The following CDH4 variants were observed in gnomAD, a reference collection of about 807,000 sequenced individuals.
CDH4 encodes the protein cadherin-4.
Under a neutral mutation model 86.0 loss-of-function variants are expected in CDH4, and 33 were observed. That is an observed-to-expected ratio of 0.38 (90% CI 0.29 to 0.51). CDH4 has a LOEUF of 0.51. Among genes scored for constraint, CDH4 ranks in the 20% least tolerant of loss-of-function variants. CDH4 has a pLI of 0.86. For missense variants in CDH4, 1,114 were observed against 1,307.4 expected (o/e 0.85, Z 2.28); for synonymous variants, 555 against 549.4 (o/e 1.01, Z -0.14).
At chr20:61,370,891 A>G (rs2084836385) in intron 2 of CDH4, 1 of 152,232 alleles carries the variant, frequency 6.6e-6, no homozygotes, top group Admixed American at 6.5e-5. Flanking sequence ...CATTGTGAGG[A>G]GCGGAATGGT....
intron 6 of CDH4, among the ~76,000 whole-genome samples, chr20:61,868,815 C>T (rs1983667314): frequency 6.6e-6 from 1 of 152,216 alleles, no homozygotes; most frequent in Non-Finnish European, 1.5e-5. Context: ...ACCATGTATT[C>T]CAGAGGGGAG....
At position 61,418,926 on chromosome 20, in the gene CDH4, A is replaced by G. The variant is rs143302962; in HGVS notation, c.169+163989A>G. 7.4e-3 allele frequency among the ~76,000 whole-genome samples: 1,130 copies of G among 152,154 alleles called. 14 individuals carry two copies. The highest frequency in any genetic ancestry group is 0.015 in the Admixed American group (225 of 15,282). The stretch of plus-strand genomic sequence containing the variant: ...CTTGGCTTGTGGCCACATCACTCCA[A>G]TCTCTGCCTTGGCCCTCATACCACT... On this transcript the variant is annotated intron_variant, in intron 2 of 15. Transcript: ENST00000614565.
At chr20:61,600,300 C>T (rs915221719) in intron 2 of CDH4, among the ~76,000 whole-genome samples, 14 of 152,246 alleles carry the variant, frequency 9.2e-5, no homozygotes, top group Non-Finnish European at 1.6e-4. Context: ...CAGCTGTGAG[C>T]GTGCCGTATT....
At chr20:61,509,054 G>A (rs1044480556) in intron 2 of CDH4, among the ~76,000 whole-genome samples, 4 of 152,180 alleles carry the variant, frequency 2.6e-5, no homozygotes, top group African/African-American at 7.2e-5. Context: ...TGGAGGAGGT[G>A]TGGGGTTCAC....
chr20:61,439,468 G>T (rs1446051580), intron 2 of CDH4, among the ~76,000 whole-genome samples: 2 of 152,218 alleles, frequency 1.3e-5, no homozygotes, highest in African/African-American at 2.4e-5. Context: ...ATGCAAGATG[G>T]CACATGTATG....
intron 3 of CDH4, among the ~76,000 whole-genome samples, chr20:61,761,570 G>A (rs2088632808): frequency 6.6e-6 from 1 of 152,164 alleles, no homozygotes; most frequent in African/African-American, 2.4e-5. Context: ...GCACTATGAG[G>A]TGGTGCCATG....
chr20:61,480,363 A>G lies in CDH4; in HGVS notation c.169+225426A>G, dbSNP rs904647494. 2.6e-5 allele frequency among the ~76,000 whole-genome samples: 4 copies of G among 151,978 alleles called. No individual in the cohort carries two copies. Among genetic ancestry groups the G allele is most frequent in the Non-Finnish European group, 5.9e-5 (4 of 67,998 alleles). ...ACTGCCTCAGCACCATTGTCTGTCT[A>G]TTTTGTTTGGGTTTCCCGTTGTTCC... is the stretch of plus-strand genomic sequence containing the variant. On this transcript the variant is annotated intron_variant, in intron 2 of 15. Coordinates refer to ENST00000614565, the MANE Select transcript of CDH4 (RefSeq NM_001794.5). The surrounding 1 kb of genome is among the most constrained non-coding windows in gnomAD (Gnocchi z 5.2).
rs371636850 is a variant in CDH4 at position 61,808,885 on chromosome 20, G to A, written c.576+35703G>A. Among the ~76,000 whole-genome samples, 148 of 152,030 alleles carry A rather than the reference G, an allele frequency of 9.7e-4. 1 individual carries two copies. Among genetic ancestry groups the A allele is most frequent in the African/African-American group, 3.4e-3 (139 of 41,432 alleles). Reference sequence around the variant, plus strand: ...TTTTAAACTACAGACGTTGATTTTCGAGGACATCTTATGGAGTCATTGTTT... The same window carrying A: ...TTTTAAACTACAGACGTTGATTTTCAAGGACATCTTATGGAGTCATTGTTT... On this transcript the variant is annotated intron_variant, in intron 4 of 15. Transcript: ENST00000614565.
At chr20:61,826,963 G>GTGTGTATA (rs1491495326) in intron 4 of CDH4, among the ~76,000 whole-genome samples, 3 of 7,042 alleles carry the variant, frequency 4.3e-4, no homozygotes, top group African/African-American at 8.3e-4. Flanking sequence ...GAAGGGAAAA[G>GTGTGTATA]TGTGTGTGTG....
intron 2 of CDH4, among the ~76,000 whole-genome samples, chr20:61,691,079 C>T (rs2087647491): frequency 6.6e-6 from 1 of 152,144 alleles, no homozygotes; most frequent in African/African-American, 2.4e-5. Flanking sequence ...CCTCTCACAG[C>T]TCCCGGAAGT....
At chr20:61,563,215 T>TTAGCTCTGGAGTCCCCTTGCCGGCTCC (rs1406678414) in intron 2 of CDH4, among the ~76,000 whole-genome samples, 1 of 152,256 alleles carries the variant, frequency 6.6e-6, no homozygotes, top group Admixed American at 6.5e-5. Flanking sequence ...AGCTCTGCTC[T>TTAGCTCTGGAGTCCCCTTGCCGGCTCC]TAGCTCTGGA....
At chr20:61,512,633 A>G (rs1214860838) in intron 2 of CDH4, among the ~76,000 whole-genome samples, 1 of 152,232 alleles carries the variant, frequency 6.6e-6, no homozygotes, top group African/African-American at 2.4e-5. Flanking sequence ...AAATGTTCCA[A>G]CACCGGCACC....
rs1316640834 is a variant in CDH4, at chr20:61,811,073, G to GCGCCACATCCTCAGCAGCCC, written c.577-33588_577-33569dup. On this transcript the variant is annotated intron_variant, in intron 4 of 15. Coordinates refer to ENST00000614565, the MANE Select transcript of CDH4 (RefSeq NM_001794.5). The surrounding 1 kb of genome is among the most constrained non-coding windows in gnomAD (Gnocchi z 4.4). Reference sequence around the variant, plus strand: ...GCTGACTGCCGCATCCTCAGCAGCCGCGCCACATCCTCAGCAGCCCCGCCA... The same window carrying GCGCCACATCCTCAGCAGCCC: ...GCTGACTGCCGCATCCTCAGCAGCCGCGCCACATCCTCAGCAGCCCCGCCACATCCTCAGCAGCCCCGCCA... Among the ~76,000 whole-genome samples, 1 of 152,092 alleles carries GCGCCACATCCTCAGCAGCCC rather than the reference G, an allele frequency of 6.6e-6. No individual in the cohort carries two copies. The highest frequency in any genetic ancestry group is 1.5e-5 in the Non-Finnish European group (1 of 68,020).
intron 8 of CDH4, among the ~76,000 whole-genome samples, chr20:61,907,426 T>A (rs2054801910): frequency 6.6e-6 from 1 of 151,906 alleles, no homozygotes; most frequent in African/African-American, 2.4e-5. Flanking sequence ...AGGGCTGAGA[T>A]CAGGCAGGCA....
At chr20:61,727,779 A>T (rs2088133133) in intron 2 of CDH4, among the ~76,000 whole-genome samples, 1 of 152,168 alleles carries the variant, frequency 6.6e-6, no homozygotes, top group African/African-American at 2.4e-5. Flanking sequence ...TCCCTTGAGA[A>T]TGGCACTAGG....
At chr20:61,749,493 C>T (rs1292050310) in intron 3 of CDH4, among the ~76,000 whole-genome samples, 1 of 152,210 alleles carries the variant, frequency 6.6e-6, no homozygotes, top group Non-Finnish European at 1.5e-5. Context: ...AAGCAATTCT[C>T]AACATACTTC....
At chr20:61,327,921 A>G (rs904079370) in intron 2 of CDH4, among the ~76,000 whole-genome samples, 2 of 152,210 alleles carry the variant, frequency 1.3e-5, no homozygotes, top group African/African-American at 2.4e-5. Context: ...ATGAATGGCC[A>G]TGGAAATTTG....
At chr20:61,504,428 G>A (rs188194123) in intron 2 of CDH4, among the ~76,000 whole-genome samples, 2 of 152,316 alleles carry the variant, frequency 1.3e-5, no homozygotes, top group Admixed American at 1.3e-4. Flanking sequence ...ACCTTAGATA[G>A]AGGTGGGGTG....
chr20:61,735,940 C>G (rs1027642671), intron 2 of CDH4, among the ~76,000 whole-genome samples: 1 of 152,178 alleles, frequency 6.6e-6, no homozygotes, highest in South Asian at 2.1e-4. Flanking sequence ...ACTCAGCTCC[C>G]GAGTTGTTTG....
Sources: allele counts gnomAD v4.1 joint callset (sites outside exome capture counted in the v4.1 genomes callset), GRCh38; gene constraint gnomAD v4.1.1; non-coding constraint Gnocchi (gnomAD v3.1); transcripts MANE v1.5; gene names NCBI Gene and HGNC (gene_info 2026-07-23, HGNC 2026-07-21).